XIRP2: variants seen among roughly 807,000 people sequenced by gnomAD.
XIRP2 encodes xin actin binding repeat containing 2.
XIRP2 carries 236 observed loss-of-function variants against 277.0 expected under a neutral mutation model. The observed-to-expected ratio is 0.85, with a 90% CI of 0.77 to 0.95. The LOEUF is 0.95. XIRP2 is among the 40% of genes least tolerant of loss of function. The probability of loss-of-function intolerance (pLI) is 0.00; values close to 1 mark genes in which losing one functional copy is unlikely to be tolerated. For synonymous variants in XIRP2, 1,490 were observed against 1,416.5 expected (o/e 1.05, Z -1.17); for missense variants, 4,640 against 4,157.5 (o/e 1.12, Z -3.19).
intron 2 of XIRP2, among the ~76,000 whole-genome samples, chr2:166,925,674 G>A (rs4402779): frequency 0.2 from 29,480 of 147,556 alleles, 4,202 homozygotes; most frequent in African/African-American, 0.4. Context: ...TATTCTCATA[G>A]GGAAAGATTA....
At chr2:167,014,125 T>G (rs1687759067) in intron 2 of XIRP2, among the ~76,000 whole-genome samples, 1 of 151,690 alleles carries the variant, frequency 6.6e-6, no homozygotes, top group South Asian at 2.1e-4. Context: ...CTCTTTTTAT[T>G]GGTTTACCAT....
chr2:166,916,301 C>G (rs548303587), intron 2 of XIRP2, among the ~76,000 whole-genome samples: 1 of 152,242 alleles, frequency 6.6e-6, no homozygotes, highest in East Asian at 1.9e-4. Flanking sequence ...ATTAATTTAT[C>G]TCTAATCTCA....
chr2:166,954,610 C>G (rs920513212), intron 2 of XIRP2, among the ~76,000 whole-genome samples: 3 of 151,874 alleles, frequency 2.0e-5, no homozygotes, highest in African/African-American at 7.3e-5. Context: ...TATAAAGACA[C>G]GTGCATGCAT....
intron 2 of XIRP2, among the ~76,000 whole-genome samples, chr2:166,921,359 T>C (rs1230323704): frequency 6.6e-6 from 1 of 152,126 alleles, no homozygotes; most frequent in African/African-American, 2.4e-5. Context: ...TGGCTTCATA[T>C]CCTTGCTATC....
At chr2:167,023,282 A>G (rs1289165144) in intron 2 of XIRP2, among the ~76,000 whole-genome samples, 8 of 151,636 alleles carry the variant, frequency 5.3e-5, no homozygotes, top group South Asian at 2.1e-4. Flanking sequence ...CATGTCCTTC[A>G]CCCACTTTTT....
At chr2:166,942,096 A>G (rs182486538) in intron 2 of XIRP2, among the ~76,000 whole-genome samples, 35 of 152,264 alleles carry the variant, frequency 2.3e-4, no homozygotes, top group Admixed American at 8.5e-4. Context: ...TTCTGTATCT[A>G]TGTCAGTACA....
At chr2:167,050,902 G>C (rs553818164) in intron 2 of XIRP2, among the ~76,000 whole-genome samples, 1 of 151,902 alleles carries the variant, frequency 6.6e-6, no homozygotes, top group African/African-American at 2.4e-5. Flanking sequence ...AAGTGACTTC[G>C]CATTGCTTAT....
intron 2 of XIRP2, among the ~76,000 whole-genome samples, chr2:167,021,427 C>G (rs573202028): frequency 6.6e-6 from 1 of 152,056 alleles, no homozygotes; most frequent in African/African-American, 2.4e-5. Flanking sequence ...TAGCACTACA[C>G]GTGCAAAAAC....
intron 1 of XIRP2, among the ~76,000 whole-genome samples, chr2:166,895,362 C>T (rs1198380496): frequency 6.6e-6 from 1 of 152,112 alleles, no homozygotes; most frequent in Admixed American, 6.6e-5. Context: ...ACATCTCAGT[C>T]TCAATAACTC....
chr2:166,932,326 C>T (rs1418612030), intron 2 of XIRP2, among the ~76,000 whole-genome samples: 1 of 151,906 alleles, frequency 6.6e-6, no homozygotes, highest in Non-Finnish European at 1.5e-5. Flanking sequence ...AAGCAGTCCT[C>T]CCTCCTCAGT....
chr2:166,927,307 A>G (rs374493786), intron 2 of XIRP2, among the ~76,000 whole-genome samples: 79 of 152,254 alleles, frequency 5.2e-4, no homozygotes, highest in African/African-American at 1.7e-3. Flanking sequence ...GTAACAAAAT[A>G]AATCAAACCT....
At chr2:167,060,126 C>G (rs1318104299) in intron 2 of XIRP2, among the ~76,000 whole-genome samples, 2 of 152,086 alleles carry the variant, frequency 1.3e-5, no homozygotes, top group Non-Finnish European at 2.9e-5. Context: ...AGAAAATATA[C>G]ACTTGTTTTA....
At chr2:167,240,251 A>C (rs1427847021) in intron 6 of XIRP2, among the ~76,000 whole-genome samples, 1 of 152,030 alleles carries the variant, frequency 6.6e-6, no homozygotes. Flanking sequence ...GTCTCTACTA[A>C]AAATACAAAA....
intron 2 of XIRP2, among the ~76,000 whole-genome samples, chr2:167,006,642 C>T (rs1289990123): frequency 6.6e-6 from 1 of 151,720 alleles, no homozygotes; most frequent in African/African-American, 2.4e-5. Flanking sequence ...CAGAGAAGAA[C>T]ATGTAAAATC....
At chr2:166,897,913 C>G (rs1440470389) in intron 1 of XIRP2, among the ~76,000 whole-genome samples, 2 of 152,054 alleles carry the variant, frequency 1.3e-5, no homozygotes, top group African/African-American at 2.4e-5. Flanking sequence ...AGAAGCAGAT[C>G]TGAGTTTATC....
chr2:167,191,482 C>G (rs1693334356), intron 3 of XIRP2, among the ~76,000 whole-genome samples: 1 of 152,026 alleles, frequency 6.6e-6, no homozygotes, highest in African/African-American at 2.4e-5. Flanking sequence ...GATACATTTC[C>G]AAGTATATCT....
intron 3 of XIRP2, among the ~76,000 whole-genome samples, chr2:167,173,625 C>A (rs1289703259): frequency 6.6e-6 from 1 of 152,106 alleles, no homozygotes; most frequent in Non-Finnish European, 1.5e-5. Flanking sequence ...ACATTGATTT[C>A]CCTTTTTTGA....
intron 2 of XIRP2, among the ~76,000 whole-genome samples, chr2:166,982,654 T>C (rs144752502): frequency 2.6e-5 from 4 of 152,202 alleles, no homozygotes; most frequent in Non-Finnish European, 5.9e-5. Flanking sequence ...CTAATTTAGA[T>C]AATAAATGTT....
chr2:166,996,179 C>A (rs1687216698), intron 2 of XIRP2, among the ~76,000 whole-genome samples: 1 of 152,082 alleles, frequency 6.6e-6, no homozygotes. Context: ...AGTAGATACA[C>A]AGTAATTATT....
Sources: allele counts gnomAD v4.1 joint callset (sites outside exome capture counted in the v4.1 genomes callset), GRCh38; gene constraint gnomAD v4.1.1; transcripts MANE v1.5; gene names NCBI Gene and HGNC (gene_info 2026-07-23, HGNC 2026-07-21).